The following ADGRA3 variants were observed in gnomAD, a reference collection of about 807,000 sequenced individuals.
ADGRA3 encodes adhesion G protein-coupled receptor A3.
ADGRA3 carries 56 observed loss-of-function variants against 119.8 expected under a neutral mutation model. The ratio of observed to expected loss-of-function variants is 0.47; its 90% CI spans 0.38 to 0.58. ADGRA3 has a LOEUF of 0.58. Ranked by LOEUF, ADGRA3 falls within the 20% of genes least tolerant of loss-of-function variation. ADGRA3 has a pLI of 0.00. For missense variants in ADGRA3, 1,516 were observed against 1,649.0 expected (o/e 0.92, Z 1.40); for synonymous variants, 607 against 623.8 (o/e 0.97, Z 0.40).
At chr4:22,393,417 A>T (rs1714217229) in intron 16 of ADGRA3, 1 of 152,258 alleles carries the variant, frequency 6.6e-6, no homozygotes, top group Non-Finnish European at 1.5e-5. Context: ...ACACAGAATA[A>T]GTTCCAGAGT....
At chr4:22,421,178 G>T in intron 11 of ADGRA3, 89 bp from the exon 12 acceptor site, 1 of 1,014,374 alleles carries the variant, frequency 9.9e-7, no homozygotes, top group Non-Finnish European at 1.5e-6. Context: ...AAAACACTAT[G>T]CATTAGCCAA....
intron 2 of ADGRA3, 66 bp from the exon 3 acceptor site, chr4:22,461,874 C>A: frequency 1.0e-6 from 1 of 974,220 alleles, no homozygotes; most frequent in East Asian, 2.5e-5. Flanking sequence ...GCACAATACA[C>A]TTACCTGCTA....
chr4:22,462,242 G>A (rs1197142615), intron 2 of ADGRA3, among the ~76,000 whole-genome samples: 4 of 152,092 alleles, frequency 2.6e-5, no homozygotes, highest in Non-Finnish European at 5.9e-5. Flanking sequence ...TAAAATTCAT[G>A]TCTTTTGGTT....
intron 14 of ADGRA3, among the ~76,000 whole-genome samples, chr4:22,407,717 C>A (rs1358569418): frequency 6.6e-6 from 1 of 152,142 alleles, no homozygotes; most frequent in African/African-American, 2.4e-5. Context: ...TAAAAAATCA[C>A]AAAGATGATC....
chr4:22,421,083 G>C lies in ADGRA3; in HGVS notation c.1612C>G (p.Pro538Ala). 1 of 1,612,890 alleles carries C rather than the reference G, an allele frequency of 6.2e-7. No individual in the cohort carries two copies. Among genetic ancestry groups the C allele is most frequent in the Non-Finnish European group, 8.5e-7 (1 of 1,179,116 alleles). The change falls in exon 12 of 19, where the codon CCC becomes GCC. Residue 538 changes from proline to alanine, a missense_variant. Coordinates refer to ENST00000334304, the MANE Select transcript of ADGRA3 (RefSeq NM_145290.4). ...GGAHVYSTYS[P>A]NIALEAYVIK... ...ACATAAGCTTCCAGAGCAATATTGG[G>C]TGAATACTTGAAAAGTCAATCAAAC...
At chr4:22,439,847 T>C (rs1392108686) in intron 7 of ADGRA3, among the ~76,000 whole-genome samples, 4 of 152,196 alleles carry the variant, frequency 2.6e-5, no homozygotes, top group Non-Finnish European at 1.5e-5. Context: ...AACTTTGTCA[T>C]GGTGCCCCAC....
At chr4:22,412,197 G>T (rs1446223864) in intron 14 of ADGRA3, among the ~76,000 whole-genome samples, 1 of 151,998 alleles carries the variant, frequency 6.6e-6, no homozygotes, top group African/African-American at 2.4e-5. Context: ...CCATTTCTGG[G>T]AAATGTCTTT....
chr4:22,424,861 C>T (rs1357646392), intron 10 of ADGRA3, among the ~76,000 whole-genome samples: 1 of 152,162 alleles, frequency 6.6e-6, no homozygotes, highest in East Asian at 1.9e-4. Flanking sequence ...CATTTGAGGT[C>T]AAGAGTTCGA....
chr4:22,453,126 G>A (rs1373650616), intron 4 of ADGRA3, among the ~76,000 whole-genome samples: 4 of 151,066 alleles, frequency 2.6e-5, no homozygotes, highest in Non-Finnish European at 5.9e-5. Flanking sequence ...GCGTGAACCC[G>A]GGAGGTGGAG....
intron 14 of ADGRA3, among the ~76,000 whole-genome samples, chr4:22,410,551 A>C (rs1406661348): frequency 6.6e-6 from 1 of 152,188 alleles, no homozygotes; most frequent in Admixed American, 6.5e-5. Flanking sequence ...CTATATCCCA[A>C]GATAGGAATT....
chr4:22,401,440 G>A lies in ADGRA3; in HGVS notation c.2472C>T (p.Ile824=), dbSNP rs1265958873. 6.2e-7 allele frequency: 1 copy of A among 1,601,338 alleles called. No individual in the cohort carries two copies. The highest frequency in any genetic ancestry group is 1.7e-5 in the Admixed American group (1 of 58,950). ...GGITQTRNAS[I]CQAVGIILHY... is the part of the protein sequence containing the mutation. ...TTTCACTCTGACTTACTGCTTGGCAGATGCTGGCATTCCTAGTCTGGGTTA... is the reference window on the plus strand; with the variant it reads ...TTTCACTCTGACTTACTGCTTGGCAAATGCTGGCATTCCTAGTCTGGGTTA... The change falls in exon 16 of 19, where the codon ATC becomes ATT. Residue 824 remains isoleucine, a synonymous_variant. Transcript: ENST00000334304.
intron 15 of ADGRA3, 87 bp from the exon 16 acceptor site, chr4:22,401,641 A>G (rs1029606227): frequency 5.9e-5 from 56 of 951,076 alleles, no homozygotes; most frequent in Non-Finnish European, 8.1e-5. Context: ...AACTTCATCA[A>G]AGGTAAAAGT....
intron 16 of ADGRA3, chr4:22,393,831 G>A (rs1714239214): frequency 6.6e-6 from 1 of 152,120 alleles, no homozygotes; most frequent in Non-Finnish European, 1.5e-5. Flanking sequence ...ACCTCTAGGG[G>A]TTTCGTAGGA....
intron 1 of ADGRA3, among the ~76,000 whole-genome samples, chr4:22,495,833 C>T (rs1441356997): frequency 6.6e-6 from 1 of 151,750 alleles, no homozygotes; most frequent in Non-Finnish European, 1.5e-5. Context: ...GGCGTGAACC[C>T]GAGAGGCGGA....
chr4:22,477,770 C>T (rs1408924285), intron 1 of ADGRA3: 2 of 152,156 alleles, frequency 1.3e-5, no homozygotes, highest in Non-Finnish European at 2.9e-5. Flanking sequence ...CTTAAAAATA[C>T]AGTTTACAAC....
chr4:22,405,313 G>A (rs942739619), intron 14 of ADGRA3, among the ~76,000 whole-genome samples: 2 of 152,152 alleles, frequency 1.3e-5, no homozygotes, highest in African/African-American at 4.8e-5. Context: ...CCCAAGGCAG[G>A]AGGATTGCTT....
chr4:22,476,378 G>A (rs753029685), intron 1 of ADGRA3, among the ~76,000 whole-genome samples: 13 of 151,948 alleles, frequency 8.6e-5, no homozygotes, highest in African/African-American at 1.2e-4. Context: ...GACAAAAATC[G>A]GAAACTCCCA....
rs1197729880 is a variant in ADGRA3 at position 22,387,572 on chromosome 4, C to T, written c.*133G>A. The T allele has an allele frequency of 4.7e-6, 4 of 846,210 alleles. No individual in the cohort carries two copies. Among genetic ancestry groups the T allele is most frequent in the Non-Finnish European group, 6.9e-6 (4 of 582,638 alleles). The allele number at this position is 846,210 out of a possible 1,614,324, so 52.4% of individuals were successfully genotyped here. ...ATTTGGGGATAAAAATAAGTAAAAT[C>T]CAAAACTTCAAAGTTTATTCCAAAT... is the stretch of plus-strand genomic sequence containing the variant. On this transcript the variant is annotated 3_prime_UTR_variant, in exon 19 of 19. Transcript: ENST00000334304.
In ADGRA3 at chr4:22,482,676, A is replaced by G. The variant is rs183584808; in HGVS notation, c.258-8833T>C. On this transcript the variant is annotated intron_variant, in intron 1 of 18. Coordinates refer to ENST00000334304, the MANE Select transcript of ADGRA3 (RefSeq NM_145290.4). ...GAAGACCCTGTCTCAAACAAAACAA[A>G]ACAAAACCCATGATGTAGATATTAT... Among the ~76,000 whole-genome samples the G allele has an allele frequency of 1.4e-3, 218 of 152,246 alleles. 2 individuals are homozygous for G. The highest frequency in any genetic ancestry group is 1.8e-4 in the Non-Finnish European group (12 of 68,018).
Sources: allele counts gnomAD v4.1 joint callset (sites outside exome capture counted in the v4.1 genomes callset), GRCh38; gene constraint gnomAD v4.1.1; transcripts MANE v1.5; gene names NCBI Gene and HGNC (gene_info 2026-07-23, HGNC 2026-07-21).